Variants in CDH13 observed in about 807,000 individuals in gnomAD.
The protein encoded by CDH13 is cadherin-13.
Under a neutral mutation model 63.8 loss-of-function variants are expected in CDH13, and 24 were observed. That is an observed-to-expected ratio of 0.38 (90% CI 0.27 to 0.53). The LOEUF is 0.53. Among genes scored for constraint, CDH13 ranks in the 20% least tolerant of loss-of-function variants. CDH13 has a pLI of 0.85. For synonymous variants in CDH13, 503 were observed against 355.3 expected (o/e 1.42, Z -4.67); for missense variants, 1,049 against 903.1 (o/e 1.16, Z -2.07).
intron 1 of CDH13, among the ~76,000 whole-genome samples, chr16:82,703,783 C>T (rs1227251724): frequency 6.6e-6 from 1 of 152,050 alleles, no homozygotes; most frequent in African/African-American, 2.4e-5. Context: ...CCCTCTTTGC[C>T]CCCTGAACAA....
intron 6 of CDH13, among the ~76,000 whole-genome samples, chr16:83,386,969 C>G (rs999958224): frequency 3.9e-5 from 6 of 152,188 alleles, no homozygotes; most frequent in Admixed American, 2.0e-4. Flanking sequence ...CTTTAGCTCC[C>G]TGCTGCAAGA....
At chr16:83,180,767 A>G (rs1202768210) in intron 4 of CDH13, 5 of 793,760 alleles carry the variant, frequency 6.3e-6, no homozygotes, top group Middle Eastern at 4.6e-4. Context: ...GTTCTTTAAG[A>G]CAAACAAACA....
intron 7 of CDH13, among the ~76,000 whole-genome samples, chr16:83,581,060 C>G (rs1013851185): frequency 6.6e-6 from 1 of 152,132 alleles, no homozygotes; most frequent in African/African-American, 2.4e-5. Flanking sequence ...TGTTAAAATC[C>G]TAGCCTTTGG....
intron 1 of CDH13, among the ~76,000 whole-genome samples, chr16:82,686,074 C>T (rs943832505): frequency 6.6e-6 from 1 of 152,148 alleles, no homozygotes; most frequent in Non-Finnish European, 1.5e-5. Flanking sequence ...ATGATAATCA[C>T]CCTTAGCTCC....
At chr16:82,796,327 T>C (rs1017655575) in intron 1 of CDH13, among the ~76,000 whole-genome samples, 1 of 152,160 alleles carries the variant, frequency 6.6e-6, no homozygotes, top group Admixed American at 6.5e-5. Context: ...ATCTTTCCAA[T>C]CTCGCTCTTC....
chr16:83,664,014 T>A (rs1485792824), intron 8 of CDH13, among the ~76,000 whole-genome samples: 4 of 149,142 alleles, frequency 2.7e-5, no homozygotes, highest in South Asian at 4.2e-4. Context: ...AAAAAAAAAA[T>A]TTAAATTAGC....
At chr16:82,671,124 A>T (rs1913191149) in intron 1 of CDH13, among the ~76,000 whole-genome samples, 1 of 152,226 alleles carries the variant, frequency 6.6e-6, no homozygotes, top group Admixed American at 6.5e-5. Flanking sequence ...CTACTTTGAA[A>T]ATTGAATACA....
chr16:83,313,824 C>G (rs1437157020), intron 5 of CDH13, among the ~76,000 whole-genome samples: 1 of 152,144 alleles, frequency 6.6e-6, no homozygotes, highest in Non-Finnish European at 1.5e-5. Flanking sequence ...GAAATATGTG[C>G]TGTTTTGAAT....
chr16:82,771,421 A>C (rs946911950), intron 1 of CDH13, among the ~76,000 whole-genome samples: 6 of 152,294 alleles, frequency 3.9e-5, no homozygotes, highest in Non-Finnish European at 8.8e-5. Context: ...GGTGTTTGTA[A>C]GGGTCTAGGT....
rs759077418 is a variant in CDH13, at chr16:83,678,318, C to T, written c.1395C>T (p.His465=). Reference sequence around the variant, plus strand: ...GCCCCAGCTCCACAGCCACCGTCCACATCACTGTCCTGGATGTCAACGAGG... The same window carrying T: ...GCCCCAGCTCCACAGCCACCGTCCATATCACTGTCCTGGATGTCAACGAGG... The part of the protein sequence containing the change: ...SYGPSSTATV[H]ITVLDVNEGP... The change falls in exon 10 of 14, where the codon CAC becomes CAT. Residue 465 remains histidine (H), a synonymous_variant. Transcript: ENST00000567109. The T allele has an allele frequency of 2.3e-5, 37 of 1,613,902 alleles. No homozygotes were observed. The Admixed American group carries it at 5.8e-4, about 25-fold the overall frequency.
intron 3 of CDH13, among the ~76,000 whole-genome samples, chr16:83,082,881 G>A (rs181175432): frequency 2.0e-5 from 3 of 152,158 alleles, no homozygotes; most frequent in African/African-American, 4.8e-5. Context: ...CAGTGAATTC[G>A]CACGTTTGTT....
intron 2 of CDH13, among the ~76,000 whole-genome samples, chr16:82,975,854 G>A (rs1315666945): frequency 6.6e-6 from 1 of 152,136 alleles, no homozygotes; most frequent in Admixed American, 6.5e-5. Context: ...AAAAATGGGG[G>A]TTTCCTTTTA....
Position 83,443,720 on chromosome 16 carries a change from AAAAAAAAAAAAAAAAATATATATATATAT to A in CDH13, c.782-42755_782-42727del, listed in dbSNP as rs1489140005. ...AAGTCCCTACGAAAAAAAAAAAAAA[AAAAAAAAAAAAAAAAATATATATATATAT>A]ATATATATATATATGGAGAGAAAGA... is the stretch of plus-strand genomic sequence containing the variant. On this transcript the variant is annotated intron_variant, in intron 6 of 13. Transcript: ENST00000567109. Among the ~76,000 whole-genome samples, 16 of 92,290 alleles carry A rather than the reference AAAAAAAAAAAAAAAAATATATATATATAT, an allele frequency of 1.7e-4. 1 individual carries two copies. Among genetic ancestry groups the A allele is most frequent in the African/African-American group, 9.0e-4 (15 of 16,730 alleles). 60.5% of individuals were successfully genotyped at this position (92,290 alleles called of 152,430 possible).
intron 10 of CDH13, among the ~76,000 whole-genome samples, chr16:83,712,913 G>C (rs941778632): frequency 2.0e-5 from 3 of 152,322 alleles, no homozygotes; most frequent in Admixed American, 6.5e-5. Context: ...TATTAAAGTA[G>C]TAAAAATGTT....
At chr16:83,518,856 C>T (rs2074762518) in intron 7 of CDH13, among the ~76,000 whole-genome samples, 1 of 152,170 alleles carries the variant, frequency 6.6e-6, no homozygotes, top group African/African-American at 2.4e-5. Context: ...GTTGGCTTCC[C>T]CTTTCACCAT....
intron 3 of CDH13, among the ~76,000 whole-genome samples, chr16:83,082,087 A>T (rs545999305): frequency 1.3e-5 from 2 of 152,180 alleles, no homozygotes; most frequent in Admixed American, 1.3e-4. Flanking sequence ...GGCCTGAGCC[A>T]CTGTGCCCGG....
chr16:82,813,230 G>A (rs1029931107), intron 1 of CDH13, among the ~76,000 whole-genome samples: 1 of 151,222 alleles, frequency 6.6e-6, no homozygotes, highest in East Asian at 1.9e-4. Flanking sequence ...ATGAGTTAAG[G>A]GCTCTGGACA....
intron 8 of CDH13, among the ~76,000 whole-genome samples, chr16:83,663,632 C>T (rs11149595): frequency 0.16 from 24,019 of 152,014 alleles, 2,123 homozygotes; most frequent in East Asian, 0.27. Context: ...GACATGACTC[C>T]GACTCTTCAG....
At chr16:82,645,284 A>G (rs1909957148) in intron 1 of CDH13, among the ~76,000 whole-genome samples, 1 of 152,176 alleles carries the variant, frequency 6.6e-6, no homozygotes, top group Non-Finnish European at 1.5e-5. Flanking sequence ...CTGTGTTTCC[A>G]GATTCCACTG....
Sources: allele counts gnomAD v4.1 joint callset (sites outside exome capture counted in the v4.1 genomes callset), GRCh38; gene constraint gnomAD v4.1.1; transcripts MANE v1.5; gene names NCBI Gene and HGNC (gene_info 2026-07-23, HGNC 2026-07-21).